Variants in CADM1 observed in about 807,000 individuals in gnomAD.
CADM1 encodes cell adhesion molecule 1.
In CADM1, 15 loss-of-function variants were observed where a neutral mutation model predicts 53.1. The ratio of observed to expected loss-of-function variants is 0.28; its 90% CI spans 0.19 to 0.44. CADM1 has a LOEUF of 0.44. CADM1 is among the 20% of genes least tolerant of loss of function. The pLI is 1.00. For missense variants in CADM1, 434 were observed against 611.3 expected, an observed-to-expected ratio of 0.71 and a Z score of 3.06; for synonymous variants, 281 against 243.0, an observed-to-expected ratio of 1.16 and a Z score of -1.45.
intron 1 of CADM1, among the ~76,000 whole-genome samples, chr11:115,327,346 T>C (rs1944984466): frequency 6.6e-6 from 1 of 152,144 alleles, no homozygotes; most frequent in Admixed American, 6.5e-5. Flanking sequence ...TAAAACCTCC[T>C]GCAAGGCTGG....
intron 1 of CADM1, among the ~76,000 whole-genome samples, chr11:115,395,706 A>C: frequency 6.6e-6 from 1 of 152,242 alleles, no homozygotes; most frequent in East Asian, 1.9e-4. Context: ...TATTTTAATA[A>C]GGGGAAGGAT....
chr11:115,179,044 AAT>A lies in CADM1; in HGVS notation c.1166-271_1166-270del, dbSNP rs1182078822. 1.1e-4 allele frequency: 53 copies of A among 467,202 alleles called. No individual in the cohort carries two copies. The East Asian group carries it at 2.3e-3, about 20-fold the overall frequency. 28.9% of individuals were successfully genotyped at this position (467,202 alleles called of 1,614,324 possible). A position where few individuals can be genotyped will look rare whatever the true frequency, so the allele number is the denominator to read the frequency against. On this transcript the variant is annotated intron_variant, in intron 10 of 11. Transcript: ENST00000331581. Reference sequence around the variant, plus strand: ...AGCTTAGGGAGGCAGGGAAGGAAGAAATAGTCTATCCGGCCCTGACCTAGTCT... The same window carrying A: ...AGCTTAGGGAGGCAGGGAAGGAAGAAAGTCTATCCGGCCCTGACCTAGTCT...
chr11:115,204,086 T>C lies in CADM1; in HGVS notation c.1078+5488A>G, dbSNP rs866297792. On this transcript the variant is annotated intron_variant, in intron 8 of 11. Coordinates refer to ENST00000331581, the MANE Select transcript of CADM1 (RefSeq NM_001301043.2). ...ATCTTAATGAAGTAGATGTCAACTC[T>C]AGAGAAAAAGGCAATTTAGTAAACA... Among the ~76,000 whole-genome samples the C allele has an allele frequency of 6.6e-5, 10 of 152,194 alleles. No homozygotes were observed. The South Asian group carries it at 2.1e-3, about 32-fold the overall frequency.
At chr11:115,456,906 T>C (rs1948694569) in intron 1 of CADM1, among the ~76,000 whole-genome samples, 1 of 152,162 alleles carries the variant, frequency 6.6e-6, no homozygotes, top group African/African-American at 2.4e-5. Flanking sequence ...TCAAACCTAC[T>C]GTTGATCATG....
chr11:115,374,959 G>C (rs1229469233), intron 1 of CADM1, among the ~76,000 whole-genome samples: 9 of 152,156 alleles, frequency 5.9e-5, no homozygotes, highest in African/African-American at 2.2e-4. Flanking sequence ...GGCAATTACA[G>C]AATTTTAATA....
intron 1 of CADM1, among the ~76,000 whole-genome samples, chr11:115,287,766 A>G (rs1328924755): frequency 2.0e-5 from 3 of 152,206 alleles, no homozygotes; most frequent in Non-Finnish European, 2.9e-5. Flanking sequence ...TTTGGGATCC[A>G]TAACATAAAT....
At chr11:115,360,355 C>T (rs940423486) in intron 1 of CADM1, among the ~76,000 whole-genome samples, 6 of 152,044 alleles carry the variant, frequency 3.9e-5, no homozygotes, top group Non-Finnish European at 7.3e-5. Flanking sequence ...ATAGATGAAA[C>T]GGTGCATTTG....
chr11:115,363,786 T>C (rs946910355), intron 1 of CADM1: 5 of 152,198 alleles, frequency 3.3e-5, no homozygotes, highest in African/African-American at 1.2e-4. Flanking sequence ...AATACAGTCA[T>C]GCACCACATA....
intron 1 of CADM1, among the ~76,000 whole-genome samples, chr11:115,462,552 AAACAGAT>A (rs2135375995): frequency 6.6e-6 from 1 of 152,306 alleles, no homozygotes; most frequent in African/African-American, 2.4e-5. Context: ...CACAGAATTA[AAACAGAT>A]AACACCAGAG....
intron 1 of CADM1, among the ~76,000 whole-genome samples, chr11:115,343,500 G>A (rs902489056): frequency 6.6e-6 from 1 of 152,050 alleles, no homozygotes; most frequent in African/African-American, 2.4e-5. Context: ...AACTTATACA[G>A]TCTCTTCCCA....
At chr11:115,346,243 C>T (rs1312062565) in intron 1 of CADM1, among the ~76,000 whole-genome samples, 1 of 152,128 alleles carries the variant, frequency 6.6e-6, no homozygotes, top group Non-Finnish European at 1.5e-5. Context: ...CATGGCTTGG[C>T]TTGTATTCAA....
chr11:115,474,290 CAAAAAAAAAA>C (rs60168853), intron 1 of CADM1, among the ~76,000 whole-genome samples: 3 of 20,212 alleles, frequency 1.5e-4, no homozygotes, highest in Non-Finnish European at 1.9e-4. Context: ...GACTCCATCT[CAAAAAAAAAA>C]AAAAAAAAAA....
chr11:115,471,167 C>A (rs918762277), intron 1 of CADM1, among the ~76,000 whole-genome samples: 1 of 152,128 alleles, frequency 6.6e-6, no homozygotes. Flanking sequence ...TTTTTTTCTC[C>A]GACCTATTAG....
chr11:115,421,906 G>A (rs911666318), intron 1 of CADM1, among the ~76,000 whole-genome samples: 1 of 152,150 alleles, frequency 6.6e-6, no homozygotes, highest in Non-Finnish European at 1.5e-5. Context: ...ATTTCGGTAC[G>A]ATGATTACAT....
At chr11:115,385,108 T>C (rs1397390701) in intron 1 of CADM1, among the ~76,000 whole-genome samples, 1 of 151,500 alleles carries the variant, frequency 6.6e-6, no homozygotes, top group Admixed American at 6.6e-5. Flanking sequence ...ACAGAAAACA[T>C]ACATTCATAC....
At chr11:115,411,868 A>G (rs961802524) in intron 1 of CADM1, among the ~76,000 whole-genome samples, 16 of 152,228 alleles carry the variant, frequency 1.1e-4, no homozygotes, top group Non-Finnish European at 2.4e-4. Flanking sequence ...ATTAAAACAC[A>G]GGAAAGGCTT....
intron 1 of CADM1, among the ~76,000 whole-genome samples, chr11:115,261,987 G>A (rs10891816): frequency 0.18 from 26,921 of 151,910 alleles, 2,586 homozygotes; most frequent in South Asian, 0.32. Flanking sequence ...CACCATGTTA[G>A]CCAGGATGGT....
chr11:115,178,062 C>A (rs772157004), intron 11 of CADM1, among the ~76,000 whole-genome samples: 10 of 152,154 alleles, frequency 6.6e-5, no homozygotes, highest in Non-Finnish European at 1.3e-4. Flanking sequence ...ATCCAGACTG[C>A]ACAGTTGATA....
At chr11:115,413,766 T>A (rs12274058) in intron 1 of CADM1, among the ~76,000 whole-genome samples, 1 of 151,818 alleles carries the variant, frequency 6.6e-6, no homozygotes, top group Non-Finnish European at 1.5e-5. Context: ...TGCCTCAGCC[T>A]GTGGAGTAGC....
Sources: allele counts gnomAD v4.1 joint callset (sites outside exome capture counted in the v4.1 genomes callset), GRCh38; gene constraint gnomAD v4.1.1; transcripts MANE v1.5; gene names NCBI Gene and HGNC (gene_info 2026-07-23, HGNC 2026-07-21).